CDH12: variants seen among roughly 807,000 people sequenced by gnomAD.
CDH12 encodes cadherin 12.
A neutral mutation model predicts 74.1 loss-of-function variants in CDH12; 41 were observed. That is an observed-to-expected ratio of 0.55 (90% CI 0.43 to 0.72). The LOEUF is 0.72. Among genes scored for constraint, CDH12 ranks in the 30% least tolerant of loss-of-function variants. CDH12 has a pLI of 0.00. For missense variants in CDH12, 945 were observed against 977.2 expected (o/e 0.97, Z 0.44); for synonymous variants, 399 against 355.0 (o/e 1.12, Z -1.39).
At chr5:21,936,564 A>G (rs955507308) in intron 6 of CDH12, among the ~76,000 whole-genome samples, 3 of 152,218 alleles carry the variant, frequency 2.0e-5, no homozygotes, top group Non-Finnish European at 4.4e-5. Flanking sequence ...TTTGATAAGC[A>G]CTGTCATAGA....
chr5:22,040,556 C>T (rs544851791), intron 5 of CDH12, among the ~76,000 whole-genome samples: 26 of 152,048 alleles, frequency 1.7e-4, no homozygotes, highest in East Asian at 5.8e-4. Flanking sequence ...AAAAGCAGCA[C>T]GAGAAAAGTG....
chr5:22,336,380 C>T (rs1739581489), intron 3 of CDH12, among the ~76,000 whole-genome samples: 1 of 152,126 alleles, frequency 6.6e-6, no homozygotes, highest in African/African-American at 2.4e-5. Flanking sequence ...AATGTTAATC[C>T]CCAAGACAAG....
intron 4 of CDH12, among the ~76,000 whole-genome samples, chr5:22,086,244 C>A (rs1193599950): frequency 2.0e-5 from 3 of 152,148 alleles, no homozygotes; most frequent in African/African-American, 7.2e-5. Flanking sequence ...ATTAATCCTG[C>A]CTCTCTGGCT....
intron 4 of CDH12, among the ~76,000 whole-genome samples, chr5:22,154,372 A>G (rs1429949438): frequency 6.6e-6 from 1 of 150,964 alleles, no homozygotes; most frequent in Non-Finnish European, 1.5e-5. Context: ...CTATCCTTTG[A>G]CCAACATCTC....
At chr5:22,818,714 T>C (rs1172555671) in intron 1 of CDH12, among the ~76,000 whole-genome samples, 1 of 152,154 alleles carries the variant, frequency 6.6e-6, no homozygotes, top group Non-Finnish European at 1.5e-5. Flanking sequence ...AGTAAGTATA[T>C]CTTTCTGCCA....
At chr5:22,363,961 T>G (rs1312085797) in intron 3 of CDH12, among the ~76,000 whole-genome samples, 2 of 152,338 alleles carry the variant, frequency 1.3e-5, no homozygotes, top group Admixed American at 1.3e-4. Flanking sequence ...CATGGGCTTT[T>G]ATCCTGTGGC....
intron 3 of CDH12, among the ~76,000 whole-genome samples, chr5:22,370,268 T>C (rs1229665819): frequency 6.6e-6 from 1 of 152,164 alleles, no homozygotes; most frequent in Non-Finnish European, 1.5e-5. Context: ...TTCCCACTTA[T>C]CAACCAATCA....
chr5:21,822,193 A>T (rs1748406697), intron 8 of CDH12, among the ~76,000 whole-genome samples: 1 of 139,268 alleles, frequency 7.2e-6, no homozygotes, highest in African/African-American at 2.5e-5. Flanking sequence ...AAACTCATTC[A>T]GTATTATTTA....
At chr5:22,425,158 T>TATATATATATATAA (rs1554039882) in intron 2 of CDH12, among the ~76,000 whole-genome samples, 37 of 132,434 alleles carry the variant, frequency 2.8e-4, no homozygotes, top group Admixed American at 1.1e-3. Context: ...TGTGTGTATA[T>TATATATATATATAA]ATATATATAT....
intron 1 of CDH12, among the ~76,000 whole-genome samples, chr5:22,535,174 T>G (rs1295769973): frequency 5.6e-5 from 8 of 143,314 alleles, no homozygotes; most frequent in Non-Finnish European, 1.1e-4. Flanking sequence ...TTTTTTTTTT[T>G]GAGACGGGGT....
chr5:22,375,032 T>C (rs1353665305), intron 3 of CDH12, among the ~76,000 whole-genome samples: 1 of 152,068 alleles, frequency 6.6e-6, no homozygotes, highest in Non-Finnish European at 1.5e-5. Context: ...GCTATAGGCA[T>C]CACACTACCT....
chr5:22,142,003 T>C (rs1167839713), intron 4 of CDH12, among the ~76,000 whole-genome samples: 1 of 152,164 alleles, frequency 6.6e-6, no homozygotes, highest in Non-Finnish European at 1.5e-5. Context: ...CAGAATCTAT[T>C]ACTTACACAT....
intron 1 of CDH12, among the ~76,000 whole-genome samples, chr5:22,548,342 G>A (rs758558592): frequency 6.6e-6 from 1 of 152,064 alleles, no homozygotes; most frequent in African/African-American, 2.4e-5. Flanking sequence ...ATTTTAACAC[G>A]TTTCCAATGC....
chr5:21,912,988 G>T (rs904140420), intron 6 of CDH12, among the ~76,000 whole-genome samples: 10 of 152,186 alleles, frequency 6.6e-5, no homozygotes, highest in Non-Finnish European at 1.0e-4. Flanking sequence ...GATTATAGGC[G>T]TGTGCCACAA....
intron 12 of CDH12, among the ~76,000 whole-genome samples, chr5:21,761,394 A>G (rs1393884983): frequency 6.6e-6 from 1 of 152,150 alleles, no homozygotes; most frequent in Non-Finnish European, 1.5e-5. Flanking sequence ...TAGATAAGCA[A>G]GTAAGAATGG....
At chr5:22,557,051 C>T (rs934206373) in intron 1 of CDH12, among the ~76,000 whole-genome samples, 3 of 152,042 alleles carry the variant, frequency 2.0e-5, no homozygotes, top group African/African-American at 4.8e-5. Flanking sequence ...ACTCTCCCAC[C>T]TTTTGTTCCA....
chr5:21,839,885 A>T (rs765300400), intron 8 of CDH12, among the ~76,000 whole-genome samples: 19 of 152,284 alleles, frequency 1.2e-4, no homozygotes, highest in Middle Eastern at 6.8e-3. Context: ...ACCAGGAATA[A>T]AACAGGTAGT....
At chr5:21,759,759 G>T (rs1415745300) in intron 13 of CDH12, among the ~76,000 whole-genome samples, 3 of 152,004 alleles carry the variant, frequency 2.0e-5, no homozygotes, top group African/African-American at 7.2e-5. Context: ...ATGGGGGTTT[G>T]TTGTATGTAT....
intron 4 of CDH12, among the ~76,000 whole-genome samples, chr5:22,211,481 C>T (rs1751538631): frequency 6.6e-6 from 1 of 151,926 alleles, no homozygotes; most frequent in Non-Finnish European, 1.5e-5. Context: ...TTTAATTACT[C>T]TTAATTACAT....
Sources: allele counts gnomAD v4.1 joint callset (sites outside exome capture counted in the v4.1 genomes callset), GRCh38; gene constraint gnomAD v4.1.1; transcripts MANE v1.5; gene names NCBI Gene and HGNC (gene_info 2026-07-23, HGNC 2026-07-21).